The following MALRD1 variants were observed in gnomAD, a reference collection of about 807,000 sequenced individuals.
MALRD1 encodes the protein MAM and LDL receptor class A domain containing 1.
In MALRD1, 247 loss-of-function variants were observed where a neutral mutation model predicts 242.1. The observed-to-expected ratio is 1.02, with a 90% confidence interval of 0.92 to 1.13. The LOEUF (loss-of-function observed/expected upper bound fraction) is 1.13. Among genes scored for constraint, MALRD1 ranks in the 50% most tolerant of loss-of-function variants. The pLI is 0.00. For missense variants in MALRD1, 2,989 were observed against 2,533.1 expected, an observed-to-expected ratio of 1.18 and a Z score of -3.86; for synonymous variants, 995 against 866.6, an observed-to-expected ratio of 1.15 and a Z score of -2.60.
intron 28 of MALRD1, among the ~76,000 whole-genome samples, chr10:19,418,599 T>C (rs1258479469): frequency 2.0e-5 from 3 of 152,206 alleles, no homozygotes; most frequent in African/African-American, 7.2e-5. Flanking sequence ...TATGATCATA[T>C]GATTTTCCTT....
intron 35 of MALRD1, among the ~76,000 whole-genome samples, chr10:19,611,571 C>A (rs920841489): frequency 1.3e-5 from 2 of 152,056 alleles, no homozygotes; most frequent in East Asian, 3.9e-4. Flanking sequence ...AGAGACATTG[C>A]TGTGGCTAAA....
intron 18 of MALRD1, among the ~76,000 whole-genome samples, chr10:19,217,117 A>G (rs1837354001): frequency 6.6e-6 from 1 of 152,102 alleles, no homozygotes; most frequent in South Asian, 2.1e-4. Context: ...TGCTGCTCTC[A>G]TTTTTGGACC....
chr10:19,389,454 C>T lies in MALRD1; in HGVS notation c.4690C>T (p.His1564Tyr), dbSNP rs1057128203. The change falls in exon 28 of 40, where the codon CAC (histidine) becomes TAC (tyrosine). Residue 1564 changes from histidine to tyrosine, a missense_variant and splice_region_variant. Physicochemically the swap from His to Tyr is moderately conservative, Grantham distance 83. Coordinates refer to ENST00000454679, the MANE Select transcript of MALRD1 (RefSeq NM_001142308.3). ...CTGAATTCTGTCCTTGTTCCTAGGG[C>T]ACTTCATGTATCTGGAAGCTACTGC... ...KDHTLGNENG[H>Y]FMYLEATAVG... The T allele has an allele frequency of 1.9e-6, 3 of 1,549,836 alleles. No homozygotes were observed. Among genetic ancestry groups the T allele is most frequent in the African/African-American group, 2.7e-5 (2 of 73,014 alleles).
chr10:19,651,921 G>A (rs541925187), intron 36 of MALRD1, among the ~76,000 whole-genome samples: 1 of 152,308 alleles, frequency 6.6e-6, no homozygotes, highest in African/African-American at 2.4e-5. Flanking sequence ...GAGGTCTGGA[G>A]AACAAGGCTT....
At position 19,310,800 on chromosome 10, in the gene MALRD1, T is replaced by C. The variant is rs142446756; in HGVS notation, c.3420-13149T>C. ...TCCAAACTGAGTTCAAGATCAACTT[T>C]CCTTGATGGCTCTCTCTAGTCTGAT... is the stretch of plus-strand genomic sequence containing the variant. On this transcript the variant is annotated intron_variant, in intron 21 of 39. Transcript: ENST00000454679. 9.1e-3 allele frequency among the ~76,000 whole-genome samples: 1,375 copies of C among 151,572 alleles called. 5 individuals carry two copies. The highest frequency in any genetic ancestry group is 0.02 in the Middle Eastern group (6 of 294).
intron 8 of MALRD1, among the ~76,000 whole-genome samples, chr10:19,132,625 A>T (rs1191463906): frequency 1.3e-5 from 2 of 152,158 alleles, no homozygotes; most frequent in South Asian, 2.1e-4. Flanking sequence ...GGATTAAAAC[A>T]AGATGTTGCC....
intron 33 of MALRD1, among the ~76,000 whole-genome samples, chr10:19,579,885 T>C (rs1837021162): frequency 6.6e-6 from 1 of 152,200 alleles, no homozygotes; most frequent in African/African-American, 2.4e-5. Context: ...AGTTGAGGAT[T>C]TGGGGAATGC....
chr10:19,257,293 G>A (rs774665439), intron 18 of MALRD1, among the ~76,000 whole-genome samples: 22 of 152,100 alleles, frequency 1.4e-4, no homozygotes, highest in Non-Finnish European at 2.6e-4. Flanking sequence ...TTTAATTTGG[G>A]AAACAGATGA....
At chr10:19,247,542 C>T (rs1273154866) in intron 18 of MALRD1, among the ~76,000 whole-genome samples, 1 of 151,682 alleles carries the variant, frequency 6.6e-6, no homozygotes, top group Non-Finnish European at 1.5e-5. Context: ...AATTCCCCCA[C>T]CCCCGAACTA....
intron 31 of MALRD1, among the ~76,000 whole-genome samples, chr10:19,507,014 C>T (rs1419963710): frequency 6.6e-6 from 1 of 151,942 alleles, no homozygotes; most frequent in Non-Finnish European, 1.5e-5. Flanking sequence ...GCTATTATGA[C>T]AGATGGTGAA....
chr10:19,424,524 TACTC>T (rs1319207344), intron 28 of MALRD1, among the ~76,000 whole-genome samples: 5 of 152,176 alleles, frequency 3.3e-5, no homozygotes, highest in Non-Finnish European at 7.3e-5. Context: ...AAAATAAAAA[TACTC>T]ACTTTTCTAC....
At chr10:19,085,711 A>T (rs915868484) in intron 2 of MALRD1, among the ~76,000 whole-genome samples, 1 of 152,012 alleles carries the variant, frequency 6.6e-6, no homozygotes, top group East Asian at 1.9e-4. Flanking sequence ...GTTGAAAAAT[A>T]TCACTGAAAA....
intron 29 of MALRD1, among the ~76,000 whole-genome samples, chr10:19,457,672 T>A (rs1005973994): frequency 2.7e-5 from 4 of 150,680 alleles, no homozygotes; most frequent in African/African-American, 9.8e-5. Flanking sequence ...TCTTGAGAAC[T>A]GCAAGCAAGA....
At chr10:19,724,163 A>G (rs1834906155) in intron 38 of MALRD1, among the ~76,000 whole-genome samples, 1 of 152,190 alleles carries the variant, frequency 6.6e-6, no homozygotes, top group Non-Finnish European at 1.5e-5. Context: ...TACTCCCATG[A>G]GATGGTAATG....
chr10:19,533,583 G>A (rs540687852), intron 32 of MALRD1, among the ~76,000 whole-genome samples: 1 of 152,282 alleles, frequency 6.6e-6, no homozygotes. Flanking sequence ...CTTCTGATGA[G>A]GGTTCAAGAA....
chr10:19,592,004 T>G (rs1038747367), intron 33 of MALRD1, among the ~76,000 whole-genome samples: 1 of 152,228 alleles, frequency 6.6e-6, no homozygotes, highest in African/African-American at 2.4e-5. Context: ...GACTGCCTCT[T>G]GGCTAAGAGA....
At chr10:19,335,208 AG>A (rs1843555070) in intron 24 of MALRD1, among the ~76,000 whole-genome samples, 1 of 75,612 alleles carries the variant, frequency 1.3e-5, no homozygotes, top group African/African-American at 4.8e-5. Flanking sequence ...TTTTTTTTTT[AG>A]ATTTGAGTGG....
At chr10:19,686,025 T>C (rs1452057936) in intron 36 of MALRD1, among the ~76,000 whole-genome samples, 1 of 152,132 alleles carries the variant, frequency 6.6e-6, no homozygotes, top group African/African-American at 2.4e-5. Flanking sequence ...TATGTTACTG[T>C]AGGCAGTGAA....
chr10:19,502,220 A>G (rs1838009657), intron 31 of MALRD1, among the ~76,000 whole-genome samples: 1 of 151,944 alleles, frequency 6.6e-6, no homozygotes, highest in African/African-American at 2.4e-5. Flanking sequence ...ATTTCTATTT[A>G]TCAATTTTAC....
Sources: allele counts gnomAD v4.1 joint callset (sites outside exome capture counted in the v4.1 genomes callset), GRCh38; gene constraint gnomAD v4.1.1; transcripts MANE v1.5; gene names NCBI Gene and HGNC (gene_info 2026-07-23, HGNC 2026-07-21).